Variants in ZNF880 observed in about 807,000 individuals in gnomAD.
ZNF880 encodes zinc finger protein LOC400713.
Under a neutral mutation model 11.8 loss-of-function variants are expected in ZNF880, and 12 were observed. That is an observed-to-expected ratio of 1.02 (90% CI 0.65 to 1.65). ZNF880 has a LOEUF of 1.65. Among genes scored for constraint, ZNF880 ranks in the 40% most tolerant of loss-of-function variants. The pLI is 0.00. For missense variants in ZNF880, 601 were observed against 673.9 expected, an observed-to-expected ratio of 0.89 and a Z score of 1.20; for synonymous variants, 210 against 232.4, an observed-to-expected ratio of 0.90 and a Z score of 0.88.
chr19:52,392,303 TTTC>T, the ZNF880 span, among the ~76,000 whole-genome samples: 2 of 149,214 alleles, frequency 1.3e-5, no homozygotes, highest in Non-Finnish European at 2.9e-5. Flanking sequence ...TCTCTCTCTC[TTTC>T]TTTTCTTTCA....
chr19:52,379,403 T>TA (rs1491020280), intron 3 of ZNF880: 1 of 187,718 alleles, frequency 5.3e-6, no homozygotes, highest in Admixed American at 6.0e-5. Context: ...TTCATTTTTC[T>TA]TTTTTTTTTT....
At chr19:52,374,603 G>A (rs1986501233) in intron 3 of ZNF880, 176 bp downstream of exon 3, 1 of 843,832 alleles carries the variant, frequency 1.2e-6, no homozygotes, top group African/African-American at 1.7e-5. Context: ...TCCGAAAGTG[G>A]TGGGATTACA....
Position 52,374,824 on chromosome 19 carries a change from C to CTTT in ZNF880, c.268+398_268+400dup. 5 of 409,368 alleles carry CTTT rather than the reference C, an allele frequency of 1.2e-5. No homozygotes were observed. In the South Asian group the frequency reaches 1.4e-4, roughly 11 times the overall value. The allele number at this position is 409,368 out of a possible 1,614,324, so 25.4% of individuals were successfully genotyped here. ...TGATCGTAGCCCGTGTACCCTCAGT[C>CTTT]TTTGGGCTCATATGATCATCTCACC... On this transcript the variant is annotated intron_variant, in intron 3 of 3. Coordinates refer to ENST00000422689, the MANE Select transcript of ZNF880 (RefSeq NM_001145434.2).
chr19:52,391,241 G>A, the ZNF880 span: 1 of 152,596 alleles, frequency 6.6e-6, no homozygotes, highest in Non-Finnish European at 1.5e-5. Context: ...ACCACAGCCT[G>A]GGGAGAACTG....
intron 3 of ZNF880, among the ~76,000 whole-genome samples, chr19:52,380,983 CGT>C (rs1986691804): frequency 6.6e-6 from 1 of 152,156 alleles, no homozygotes; most frequent in Middle Eastern, 3.2e-3. Flanking sequence ...CAACCAGAAT[CGT>C]CTTTTTCTTT....
chr19:52,387,452 C>CTT (rs10646059), downstream of ZNF880, among the ~76,000 whole-genome samples: 504 of 127,210 alleles, frequency 4.0e-3, 58 homozygotes, highest in African/African-American at 0.011. Context: ...ATGACAAATA[C>CTT]TTTTTTTTTT....
At chr19:52,379,893 AT>A (rs1173257111) in intron 3 of ZNF880, 17 of 111,768 alleles carry the variant, frequency 1.5e-4, no homozygotes, top group African/African-American at 2.8e-4. Flanking sequence ...TGTCATACTT[AT>A]TTTTTTTTTT....
In ZNF880 at chr19:52,383,907, AT is replaced by A; in HGVS notation, c.329del (p.Leu110Ter). 2 of 1,564,034 alleles carry A rather than the reference AT, an allele frequency of 1.3e-6. No individual in the cohort carries two copies. The highest frequency in any genetic ancestry group is 1.7e-6 in the Non-Finnish European group (2 of 1,153,990). ...GNKSLKNQLG[L>X]TFQLHLSELQ... Reference sequence around the variant, plus strand: ...ACAAGTCTCTTAAAAATCAACTTGGATTAACCTTTCAGTTACATCTGAGTGA... The same window carrying A: ...ACAAGTCTCTTAAAAATCAACTTGGATAACCTTTCAGTTACATCTGAGTGA... On this transcript the variant is annotated frameshift_variant, in exon 4 of 4. Coordinates refer to ENST00000422689, the MANE Select transcript of ZNF880 (RefSeq NM_001145434.2). LOFTEE classifies it low-confidence loss of function (END_TRUNC).
chr19:52,395,959 AT>A, the ZNF880 span, among the ~76,000 whole-genome samples: 3 of 151,850 alleles, frequency 2.0e-5, no homozygotes, highest in East Asian at 5.8e-4. Flanking sequence ...TATCCCTTTT[AT>A]TTTTATATTT....
chr19:52,384,026 T>C lies in ZNF880; in HGVS notation c.446T>C (p.Ile149Thr), dbSNP rs915351547. The C allele has an allele frequency of 6.4e-7, 1 of 1,554,972 alleles. No homozygotes were observed. The highest frequency in any genetic ancestry group is 1.4e-5 in the African/African-American group (1 of 73,074). Residue 149 changes from isoleucine to threonine, a missense_variant, in exon 4 of 4, where the codon ATT becomes ACT. Physicochemically the swap from Ile to Thr is moderately conservative, Grantham distance 89 (BLOSUM62 -1). This residue lies in a region of ZNF880 where 420 missense variants were observed against 442.6 expected (regional missense o/e 0.95). Transcript: ENST00000422689. The part of the protein sequence containing the change: ...NNSLVSPLQK[I>T]YSSVKSHILN... ...TCCTTAGTTTCACCACTTCAAAAAA[T>C]TTATTCTAGTGTCAAATCCCACATT... is the stretch of plus-strand genomic sequence containing the variant.
intron 3 of ZNF880, among the ~76,000 whole-genome samples, chr19:52,375,563 C>A (rs906375267): frequency 6.6e-6 from 1 of 151,998 alleles, no homozygotes; most frequent in Non-Finnish European, 1.5e-5. Flanking sequence ...TAGATAAGTT[C>A]TTTAGTGGTG....
rs75507701 is a variant in ZNF880, at chr19:52,384,789, G to A, written c.1209G>A (p.Thr403=). 11 of 703,356 alleles carry A rather than the reference G, an allele frequency of 1.6e-5. No individual in the cohort carries two copies. The highest frequency in any genetic ancestry group is 7.4e-5 in the Admixed American group (2 of 26,986). The allele number at this position is 703,356 out of a possible 1,614,324, so 43.6% of individuals were successfully genotyped here. ...TAACCAATCATCATAGAATGCACAC[G>A]GGAGAGCAACCTTACAAATGTAATG... is the stretch of plus-strand genomic sequence containing the variant. The part of the protein sequence containing the change: ...FCLTNHHRMH[T]GEQPYKCNEC... Residue 403 remains threonine, a synonymous_variant, in exon 4 of 4, where the codon ACG becomes ACA. Coordinates refer to ENST00000422689, the MANE Select transcript of ZNF880 (RefSeq NM_001145434.2).
the ZNF880 span, chr19:52,396,202 T>G: frequency 6.8e-6 from 1 of 147,958 alleles, no homozygotes; most frequent in Non-Finnish European, 1.5e-5. Flanking sequence ...ATTCCCGACC[T>G]CAGGTGATCT....
At chr19:52,390,929 T>TCAAAAAA in the ZNF880 span, 1 of 152,688 alleles carries the variant, frequency 6.5e-6, no homozygotes, top group Admixed American at 6.6e-5. Context: ...AAACTCCATC[T>TCAAAAAA]CAAAAAACAA....
At chr19:52,392,157 G>T in the ZNF880 span, among the ~76,000 whole-genome samples, 1 of 152,142 alleles carries the variant, frequency 6.6e-6, no homozygotes, top group Non-Finnish European at 1.5e-5. Context: ...TGTACCATTT[G>T]TTATAAAGGA....
intron 3 of ZNF880, among the ~76,000 whole-genome samples, chr19:52,375,541 C>T (rs892097936): frequency 6.6e-6 from 1 of 152,002 alleles, no homozygotes; most frequent in Non-Finnish European, 1.5e-5. Flanking sequence ...GAACAAGTGG[C>T]ATTTGGTTAC....
chr19:52,378,880 C>G (rs1278398999), intron 3 of ZNF880, among the ~76,000 whole-genome samples: 2 of 151,796 alleles, frequency 1.3e-5, no homozygotes, highest in African/African-American at 4.8e-5. Context: ...GAGTTTGAGA[C>G]CAGCCTGGAC....
the ZNF880 span, among the ~76,000 whole-genome samples, chr19:52,394,569 A>T: frequency 6.6e-6 from 1 of 152,188 alleles, no homozygotes; most frequent in Non-Finnish European, 1.5e-5. Flanking sequence ...GGTTGACCTT[A>T]TACTTTGCTA....
In ZNF880 at chr19:52,374,300, A is replaced by C. The variant is rs778407721; in HGVS notation, c.141A>C (p.Gly47=). ...GATATTCTTTCTTTTTTTAAATAGG[A>C]ATCTGTCTTCCTGACCTGAGTGTTA... ...VENYRNLVFL[G]ICLPDLSVIS... Residue 47 remains glycine (G), a splice_region_variant and synonymous_variant, in exon 3 of 4, where the codon GGA becomes GGC. Coordinates refer to ENST00000422689, the MANE Select transcript of ZNF880 (RefSeq NM_001145434.2). The C allele has an allele frequency of 1.2e-6, 2 of 1,611,532 alleles. No individual in the cohort carries two copies. Among genetic ancestry groups the C allele is most frequent in the African/African-American group, 2.7e-5 (2 of 74,346 alleles).
Sources: gnomAD v4.1 joint callset for allele counts (sites outside exome capture counted in the v4.1 genomes callset) on GRCh38, gnomAD v4.1.1 for gene constraint, gnomAD v4.1.1 regional missense constraint, MANE v1.5 for transcripts, NCBI Gene and HGNC (gene_info 2026-07-23, HGNC 2026-07-21) for gene names.